LINGO1: variants seen among roughly 807,000 people sequenced by gnomAD.
LINGO1 encodes leucine-rich repeat and immunoglobulin-like domain-containing nogo receptor-interacting protein 1.
In LINGO1, 11 loss-of-function variants were observed where a neutral mutation model predicts 37.3. The ratio of observed to expected loss-of-function variants is 0.29; its 90% CI spans 0.19 to 0.49. LINGO1 has a LOEUF of 0.49. Among genes scored for constraint, LINGO1 ranks in the 20% least tolerant of loss-of-function variants. The probability of loss-of-function intolerance (pLI) is 0.99; values close to 1 mark genes in which losing one functional copy is unlikely to be tolerated. For missense variants in LINGO1, 585 were observed against 878.2 expected, an observed-to-expected ratio of 0.67 and a Z score of 4.22; for synonymous variants, 387 against 403.0, an observed-to-expected ratio of 0.96 and a Z score of 0.48.
At chr15:77,628,564 T>A (rs553352843) in intron 1 of LINGO1, among the ~76,000 whole-genome samples, 1 of 152,174 alleles carries the variant, frequency 6.6e-6, no homozygotes, top group African/African-American at 2.4e-5. Context: ...GTGAAATACA[T>A]AATTTAGAGT....
chr15:77,733,687 T>C (rs1216430275), intron 2 of LINGO1, among the ~76,000 whole-genome samples: 2 of 152,228 alleles, frequency 1.3e-5, no homozygotes, highest in Non-Finnish European at 2.9e-5. Flanking sequence ...AGTATGAAGA[T>C]GGTTTCTTGT....
At chr15:77,732,516 G>A (rs1012192077) in intron 2 of LINGO1, among the ~76,000 whole-genome samples, 14 of 152,232 alleles carry the variant, frequency 9.2e-5, no homozygotes, top group Admixed American at 2.0e-4. Flanking sequence ...GTGGCAAGAG[G>A]TGCCCAGCAA....
intron 1 of LINGO1, among the ~76,000 whole-genome samples, chr15:77,778,956 T>C (rs2076688353): frequency 6.6e-6 from 1 of 151,758 alleles, no homozygotes; most frequent in Non-Finnish European, 1.5e-5. Flanking sequence ...CTCCCCTCTC[T>C]TACCACTCAC....
intron 1 of LINGO1, among the ~76,000 whole-genome samples, chr15:77,767,178 AAG>A (rs1174185323): frequency 6.6e-6 from 1 of 152,230 alleles, no homozygotes; most frequent in Non-Finnish European, 1.5e-5. Context: ...CACAGGGAGA[AAG>A]AGAAGGTTCT....
intron 1 of LINGO1, among the ~76,000 whole-genome samples, chr15:77,694,729 T>C (rs2075660530): frequency 6.6e-6 from 1 of 152,206 alleles, no homozygotes. Flanking sequence ...TACCAAATAC[T>C]AGGCTTTGCC....
chr15:77,697,695 G>A (rs771611863), upstream of LINGO1, among the ~76,000 whole-genome samples: 1 of 152,208 alleles, frequency 6.6e-6, no homozygotes, highest in African/African-American at 2.4e-5. Context: ...ATGACAACTC[G>A]GGTGCTGTGT....
chr15:77,698,299 C>G (rs77838594), upstream of LINGO1, among the ~76,000 whole-genome samples: 663 of 152,328 alleles, frequency 4.4e-3, 4 homozygotes, highest in African/African-American at 0.015. Flanking sequence ...CTGCACAACA[C>G]TCAGGTGAGG....
At chr15:77,640,653 G>T (rs966085240) in intron 3 of LINGO1, among the ~76,000 whole-genome samples, 1 of 152,094 alleles carries the variant, frequency 6.6e-6, no homozygotes, top group African/African-American at 2.4e-5. Flanking sequence ...GGACATAGAC[G>T]GAGACCAGGC....
At chr15:77,752,264 AGCCC>A (rs1211962139) in intron 1 of LINGO1, among the ~76,000 whole-genome samples, 1 of 152,186 alleles carries the variant, frequency 6.6e-6, no homozygotes, top group Non-Finnish European at 1.5e-5. Context: ...CTCCCCGCAG[AGCCC>A]CACCACTCAG....
At position 77,632,388 on chromosome 15, in the gene LINGO1, A is replaced by G; in HGVS notation, c.-73T>C. ...TCTCCAGCCGGCCCGACCAGGCCCCAGCCCCTGCCCAGCCCCCTCCTCCGT... is the reference window on the plus strand; with the variant it reads ...TCTCCAGCCGGCCCGACCAGGCCCCGGCCCCTGCCCAGCCCCCTCCTCCGT... On this transcript the variant is annotated 5_prime_UTR_variant, in exon 1 of 2. Coordinates refer to ENST00000355300, the MANE Select transcript of LINGO1 (RefSeq NM_032808.7). This position sits in a 1 kb window ranked among gnomAD's most constrained non-coding sequence, Gnocchi z 6.0. The G allele has an allele frequency of 1.5e-6, 2 of 1,325,768 alleles. No individual in the cohort carries two copies. The highest frequency in any genetic ancestry group is 1.9e-6 in the Non-Finnish European group (2 of 1,033,110). The allele number at this position is 1,325,768 out of a possible 1,614,324, so 82.1% of individuals were successfully genotyped here. A position where few individuals can be genotyped will look rare whatever the true frequency, so the allele number is the denominator to read the frequency against.
rs1361196430 is a variant in LINGO1 at position 77,632,378 on chromosome 15, A to T, written c.-63T>A. On this transcript the variant is annotated 5_prime_UTR_variant, in exon 1 of 2. Transcript: ENST00000355300. The surrounding 1 kb of genome is among the most constrained non-coding windows in gnomAD (Gnocchi z 6.0). ...ATCGCATGTCTCTCCAGCCGGCCCG[A>T]CCAGGCCCCAGCCCCTGCCCAGCCC... The T allele has an allele frequency of 7.4e-7, 1 of 1,353,200 alleles. No individual in the cohort carries two copies. Among genetic ancestry groups the T allele is most frequent in the Non-Finnish European group, 9.5e-7 (1 of 1,048,224 alleles). The allele number at this position is 1,353,200 out of a possible 1,614,324, so 83.8% of individuals were successfully genotyped here. A position where few individuals can be genotyped will look rare whatever the true frequency, so the allele number is the denominator to read the frequency against.
rs574920974 is a variant in LINGO1, at chr15:77,811,334, C to A, written c.-458+8924G>T. Among the ~76,000 whole-genome samples, 17 of 152,336 alleles carry A rather than the reference C, an allele frequency of 1.1e-4. No homozygotes were observed. In the South Asian group the frequency reaches 3.5e-3, roughly 32 times the overall value. On this transcript the variant is annotated intron_variant, in intron 1 of 5. Transcript: ENST00000562933. ...CACAGCAAACAAGAGAGATAATTAA[C>A]CTAAAAGAGGGTCACTTCCTGTTTC...
chr15:77,634,328 C>T (rs1177326197), upstream of LINGO1: 1 of 456,116 alleles, frequency 2.2e-6, no homozygotes, highest in Non-Finnish European at 4.4e-6. Flanking sequence ...TCTGGCACAC[C>T]GTTGCTCTGG....
rs558773721 is a variant in LINGO1, at chr15:77,766,321, A to C, written c.-257+20548T>G. Reference sequence around the variant, plus strand: ...TCAAAAAAAAAAAAAAAAAAAACACACAAACAGAGAGAGAGAGAAAAGAAA... The same window carrying C: ...TCAAAAAAAAAAAAAAAAAAAACACCCAAACAGAGAGAGAGAGAAAAGAAA... On this transcript the variant is annotated intron_variant, in intron 1 of 3. Coordinates refer to the LINGO1 transcript ENST00000561686. Among the ~76,000 whole-genome samples the C allele has an allele frequency of 6.5e-3, 949 of 145,848 alleles. 20 individuals are homozygous for C. The highest frequency in any genetic ancestry group is 0.023 in the African/African-American group (895 of 39,158).
chr15:77,689,900 A>T (rs1471840257), intron 2 of LINGO1, among the ~76,000 whole-genome samples: 2 of 152,196 alleles, frequency 1.3e-5, no homozygotes. Flanking sequence ...GGGAACAAGG[A>T]TTTACTGAGA....
At chr15:77,707,875 G>C (rs546695988) in intron 2 of LINGO1, among the ~76,000 whole-genome samples, 2 of 152,240 alleles carry the variant, frequency 1.3e-5, no homozygotes, top group Non-Finnish European at 2.9e-5. Flanking sequence ...TGACCTTCTA[G>C]GGCCACCAAC....
intron 3 of LINGO1, among the ~76,000 whole-genome samples, chr15:77,642,315 G>A (rs192976866): frequency 3.9e-5 from 6 of 152,358 alleles, no homozygotes; most frequent in African/African-American, 1.4e-4. Context: ...CCACCCCCAG[G>A]GAGTGGAGGA....
intron 1 of LINGO1, among the ~76,000 whole-genome samples, chr15:77,621,576 G>C (rs752703043): frequency 9.0e-4 from 137 of 152,322 alleles, no homozygotes; most frequent in African/African-American, 3.2e-3. Flanking sequence ...CCAGGCCAGG[G>C]GAGGGGCTGT....
At chr15:77,711,908 G>A (rs1450010001) in intron 2 of LINGO1, among the ~76,000 whole-genome samples, 2 of 152,046 alleles carry the variant, frequency 1.3e-5, no homozygotes, top group Non-Finnish European at 2.9e-5. Context: ...GCGACATTCT[G>A]CAGATGATTT....
Sources: allele counts gnomAD v4.1 joint callset (sites outside exome capture counted in the v4.1 genomes callset), GRCh38; gene constraint gnomAD v4.1.1; non-coding constraint Gnocchi (gnomAD v3.1); transcripts MANE v1.5; gene names NCBI Gene and HGNC (gene_info 2026-07-23, HGNC 2026-07-21).